The following TENM3 variants were observed in gnomAD, a reference collection of about 807,000 sequenced individuals.
The protein encoded by TENM3 is teneurin-3.
Under a neutral mutation model 255.1 loss-of-function variants are expected in TENM3, and 63 were observed. The ratio of observed to expected loss-of-function variants is 0.25; its 90% CI spans 0.20 to 0.30. The LOEUF is 0.30. Among genes scored for constraint, TENM3 ranks in the 10% least tolerant of loss-of-function variants. The probability of loss-of-function intolerance (pLI) is 1.00; values close to 1 mark genes in which losing one functional copy is unlikely to be tolerated. For missense variants in TENM3, 2,929 were observed against 3,461.1 expected (o/e 0.85, Z 3.86); for synonymous variants, 1,306 against 1,322.3 (o/e 0.99, Z 0.27).
the TENM3 span, among the ~76,000 whole-genome samples, chr4:182,101,144 AAGGGAGGG>A: frequency 8.9e-5 from 4 of 44,736 alleles, no homozygotes; most frequent in African/African-American, 3.4e-4. Context: ...GGAAGGAAAG[AAGGGAGGG>A]AGGAAGGAAA....
At chr4:182,022,984 A>G in the TENM3 span, among the ~76,000 whole-genome samples, 11 of 152,330 alleles carry the variant, frequency 7.2e-5, no homozygotes, top group African/African-American at 2.6e-4. Context: ...GCTTGCCCTG[A>G]GCAGATGCGT....
At chr4:182,485,988 A>G (rs1210024180) in intron 3 of TENM3, among the ~76,000 whole-genome samples, 1 of 152,138 alleles carries the variant, frequency 6.6e-6, no homozygotes, top group East Asian at 1.9e-4. Context: ...TACCTGAGCA[A>G]TGAAGAGAAG....
the TENM3 span, among the ~76,000 whole-genome samples, chr4:181,860,943 C>T: frequency 6.6e-6 from 1 of 152,050 alleles, no homozygotes; most frequent in Non-Finnish European, 1.5e-5. Flanking sequence ...TCAAAGGTAT[C>T]GCTCCAGCAT....
At chr4:181,629,548 G>T in the TENM3 span, among the ~76,000 whole-genome samples, 2,858 of 152,270 alleles carry the variant, frequency 0.019, 37 homozygotes, top group East Asian at 0.037. Flanking sequence ...AGCATGAAGG[G>T]CTGTTGAATT....
At chr4:181,697,313 T>C in the TENM3 span, among the ~76,000 whole-genome samples, 385 of 152,342 alleles carry the variant, frequency 2.5e-3, 1 homozygote, top group African/African-American at 8.6e-3. Context: ...GAGGGGCTTT[T>C]CCTTTGAAGC....
chr4:182,267,414 G>A (rs964328344), intron 1 of TENM3, among the ~76,000 whole-genome samples: 4 of 152,160 alleles, frequency 2.6e-5, no homozygotes, highest in African/African-American at 9.7e-5. Flanking sequence ...GGCTTTGACT[G>A]GAATAGTGTG....
the TENM3 span, among the ~76,000 whole-genome samples, chr4:181,870,001 A>G: frequency 3.9e-5 from 6 of 152,162 alleles, no homozygotes. Context: ...ATCCACAACC[A>G]ATGAACAAGC....
chr4:182,033,522 A>G, the TENM3 span, among the ~76,000 whole-genome samples: 1 of 152,114 alleles, frequency 6.6e-6, no homozygotes, highest in African/African-American at 2.4e-5. Flanking sequence ...TTGTTTTTCG[A>G]GGGAGAGTTC....
intron 1 of TENM3, among the ~76,000 whole-genome samples, chr4:182,160,314 T>G (rs562777270): frequency 3.9e-5 from 6 of 152,310 alleles, no homozygotes; most frequent in African/African-American, 1.4e-4. Context: ...TCCGGTTCTT[T>G]TTTTAAAAAA....
intron 5 of TENM3, among the ~76,000 whole-genome samples, chr4:182,634,703 A>C (rs1751694401): frequency 9.0e-6 from 1 of 111,662 alleles, no homozygotes; most frequent in Admixed American, 1.0e-4. Flanking sequence ...TTTGACTCTG[A>C]AATTAAAAAA....
At chr4:181,570,592 A>G in the TENM3 span, among the ~76,000 whole-genome samples, 1 of 151,830 alleles carries the variant, frequency 6.6e-6, no homozygotes, top group Non-Finnish European at 1.5e-5. Context: ...AAAAAGAAAG[A>G]AAAAGAGAGG....
chr4:182,626,174 C>G (rs1327034527), intron 4 of TENM3, among the ~76,000 whole-genome samples: 1 of 152,174 alleles, frequency 6.6e-6, no homozygotes, highest in East Asian at 1.9e-4. Context: ...TCTGTGGTCC[C>G]TTACAGCAAA....
chr4:182,688,295 G>A lies in TENM3; in HGVS notation c.2165G>A (p.Cys722Tyr). 1 of 1,613,924 alleles carries A rather than the reference G, an allele frequency of 6.2e-7. No individual in the cohort carries two copies. The highest frequency in any genetic ancestry group is 8.5e-7 in the Non-Finnish European group (1 of 1,179,852). ...CHPRCAEHGT[C>Y]KDGKCECSQG... is the part of the protein sequence containing the mutation. ...CCCCGCTGTGCCGAGCACGGGACCT[G>A]CAAGGATGGCAAGTGTGAATGCAGC... Residue 722 changes from cysteine to tyrosine, a missense_variant, in exon 12 of 28, where the codon TGC (cysteine) becomes TAC (tyrosine). Physicochemically the swap from Cys to Tyr is radical, Grantham distance 194 (BLOSUM62 -2). This residue lies in a region of TENM3 where 1,608 missense variants were observed against 1,884.4 expected (regional missense o/e 0.85). Coordinates refer to ENST00000511685, the MANE Select transcript of TENM3 (RefSeq NM_001080477.4).
the TENM3 span, among the ~76,000 whole-genome samples, chr4:182,049,306 C>G: frequency 6.6e-6 from 1 of 152,274 alleles, no homozygotes. Context: ...AAAGAAAACC[C>G]TGAATCAGTA....
intron 2 of TENM3, among the ~76,000 whole-genome samples, chr4:182,328,083 C>G (rs1763524500): frequency 6.6e-6 from 1 of 152,160 alleles, no homozygotes; most frequent in Admixed American, 6.5e-5. Flanking sequence ...CACTTTGGGG[C>G]CCTAACCCAA....
At chr4:181,803,742 G>A in the TENM3 span, among the ~76,000 whole-genome samples, 39 of 151,906 alleles carry the variant, frequency 2.6e-4, no homozygotes, top group African/African-American at 8.4e-4. Flanking sequence ...ACCAGCCTGG[G>A]CAACATAGTG....
chr4:181,542,427 T>C, the TENM3 span, among the ~76,000 whole-genome samples: 1 of 152,174 alleles, frequency 6.6e-6, no homozygotes, highest in African/African-American at 2.4e-5. Flanking sequence ...AGTAGCAGAT[T>C]TGATTTCTGT....
chr4:181,596,788 G>T, the TENM3 span, among the ~76,000 whole-genome samples: 1 of 152,118 alleles, frequency 6.6e-6, no homozygotes, highest in Non-Finnish European at 1.5e-5. Flanking sequence ...GCAGGAACAT[G>T]GATGGAGCTG....
chr4:181,769,365 G>T, the TENM3 span, among the ~76,000 whole-genome samples: 2 of 152,150 alleles, frequency 1.3e-5, no homozygotes, highest in African/African-American at 2.4e-5. Context: ...CACAGCCTGG[G>T]TTTTATTCTG....
Sources: gnomAD v4.1 joint callset for allele counts (sites outside exome capture counted in the v4.1 genomes callset) on GRCh38, gnomAD v4.1.1 for gene constraint, gnomAD v4.1.1 regional missense constraint, MANE v1.5 for transcripts, NCBI Gene and HGNC (gene_info 2026-07-23, HGNC 2026-07-21) for gene names.